ZFHX3: variants seen among roughly 807,000 people sequenced by gnomAD.
ZFHX3 encodes the protein zinc finger homeobox protein 3.
ZFHX3 carries 42 observed loss-of-function variants against 279.1 expected under a neutral mutation model. The observed-to-expected ratio is 0.15, with a 90% CI of 0.12 to 0.19. ZFHX3 has a LOEUF of 0.19. Ranked by LOEUF, ZFHX3 falls within the 10% of genes least tolerant of loss-of-function variation. The probability of loss-of-function intolerance (pLI) is 1.00; values close to 1 mark genes in which losing one functional copy is unlikely to be tolerated. For missense variants in ZFHX3, 4,981 were observed against 4,754.0 expected (o/e 1.05, Z -1.40); for synonymous variants, 2,293 against 1,957.8 (o/e 1.17, Z -4.52).
At chr16:73,464,402 C>A (rs1038461972) in intron 2 of ZFHX3, among the ~76,000 whole-genome samples, 5 of 151,652 alleles carry the variant, frequency 3.3e-5, no homozygotes, top group African/African-American at 1.2e-4. Flanking sequence ...TTATTCATTC[C>A]TGATCAGCTT....
At chr16:72,877,334 G>A (rs1597336906) in intron 4 of ZFHX3, among the ~76,000 whole-genome samples, 1 of 149,686 alleles carries the variant, frequency 6.7e-6, no homozygotes, top group South Asian at 2.1e-4. Flanking sequence ...AGAGAACAAA[G>A]GTGTTAAGGC....
intron 2 of ZFHX3, among the ~76,000 whole-genome samples, chr16:73,650,470 G>T (rs60495341): frequency 0.21 from 32,416 of 152,028 alleles, 3,570 homozygotes; most frequent in African/African-American, 0.22. Flanking sequence ...CTGACTTAAA[G>T]TTGTCTGAGC....
intron 3 of ZFHX3, among the ~76,000 whole-genome samples, chr16:73,348,577 G>A (rs975658256): frequency 6.6e-6 from 1 of 152,206 alleles, no homozygotes; most frequent in African/African-American, 2.4e-5. Flanking sequence ...GAGCTTTGTC[G>A]TTGACTTTGA....
At chr16:73,645,909 T>G (rs908841799) in intron 2 of ZFHX3, among the ~76,000 whole-genome samples, 3 of 152,218 alleles carry the variant, frequency 2.0e-5, no homozygotes, top group Non-Finnish European at 4.4e-5. Flanking sequence ...GACCATATCT[T>G]AGTCTTGTGT....
rs1033088653 is a variant in ZFHX3 at position 73,728,558 on chromosome 16, A to G, written c.-1607-48318T>C. Among the ~76,000 whole-genome samples the G allele has an allele frequency of 1.8e-4, 28 of 152,138 alleles. 1 individual carries two copies. The highest frequency in any genetic ancestry group is 1.3e-4 in the Admixed American group (2 of 15,286). On this transcript the variant is annotated intron_variant, in intron 1 of 17. Transcript: ENST00000641206. ...AAATGTAATGTGTAGCCCGCAACTC[A>G]GTCTCCTATACGATAACTCTTGTGA...
intron 3 of ZFHX3, among the ~76,000 whole-genome samples, chr16:72,894,796 A>C (rs2144099839): frequency 6.6e-6 from 1 of 152,334 alleles, no homozygotes; most frequent in Non-Finnish European, 1.5e-5. Flanking sequence ...TCTCCTCGCC[A>C]GGCAGGAAAT....
At chr16:73,029,189 T>C (rs1964612474) in intron 1 of ZFHX3, among the ~76,000 whole-genome samples, 2 of 152,166 alleles carry the variant, frequency 1.3e-5, no homozygotes, top group Non-Finnish European at 2.9e-5. Flanking sequence ...GTCCTTTCAA[T>C]GGCTCCCACC....
At chr16:72,954,403 G>T (rs568407558) in intron 2 of ZFHX3, among the ~76,000 whole-genome samples, 1 of 152,200 alleles carries the variant, frequency 6.6e-6, no homozygotes, top group African/African-American at 2.4e-5. Flanking sequence ...AACTTGGCAG[G>T]TCCTTAGTCT....
intron 1 of ZFHX3, among the ~76,000 whole-genome samples, chr16:73,025,696 G>C (rs1403603967): frequency 1.3e-5 from 2 of 152,146 alleles, no homozygotes; most frequent in East Asian, 1.9e-4. Context: ...ATCCCAGCCA[G>C]AGTATTGTCA....
At chr16:73,706,433 G>A (rs1471815186) in intron 1 of ZFHX3, among the ~76,000 whole-genome samples, 5 of 148,988 alleles carry the variant, frequency 3.4e-5, no homozygotes, top group African/African-American at 1.0e-4. Flanking sequence ...TCCAGCCTGG[G>A]TGACAAGAGC....
intron 3 of ZFHX3, among the ~76,000 whole-genome samples, chr16:73,347,394 C>T (rs1274298052): frequency 2.6e-5 from 4 of 152,232 alleles, no homozygotes; most frequent in Non-Finnish European, 2.9e-5. Context: ...GATACCCAGT[C>T]GTGGAAACAC....
rs186500895 is a variant in ZFHX3 at position 73,866,608 on chromosome 16, A to G, written c.-1608+25043T>C. On this transcript the variant is annotated intron_variant, in intron 1 of 17. Transcript: ENST00000641206. ...CTCTCATTATTTACTCCAGGCCCCA[A>G]AAAAAGAAAAGAAGAAAAATGTATT... Among the ~76,000 whole-genome samples the G allele has an allele frequency of 3.4e-4, 52 of 152,306 alleles. No homozygotes were observed. In the East Asian group the frequency reaches 9.8e-3, roughly 29 times the overall value.
chr16:73,770,414 T>A (rs1033676194), intron 1 of ZFHX3, among the ~76,000 whole-genome samples: 19 of 152,234 alleles, frequency 1.2e-4, no homozygotes, highest in African/African-American at 4.6e-4. Context: ...TCCAGAACTA[T>A]ATAAAATCAT....
At chr16:73,693,625 G>A (rs2053169279) in intron 1 of ZFHX3, among the ~76,000 whole-genome samples, 1 of 152,082 alleles carries the variant, frequency 6.6e-6, no homozygotes. Context: ...AGAAAAGAAG[G>A]GCTTAGCACT....
intron 1 of ZFHX3, among the ~76,000 whole-genome samples, chr16:73,816,338 T>C (rs1319528524): frequency 1.3e-5 from 2 of 152,156 alleles, no homozygotes; most frequent in Admixed American, 1.3e-4. Flanking sequence ...AACTTTGCCA[T>C]GTATGTTCAT....
chr16:73,451,598 A>C (rs2018282162), intron 3 of ZFHX3, among the ~76,000 whole-genome samples: 1 of 152,214 alleles, frequency 6.6e-6, no homozygotes, highest in Non-Finnish European at 1.5e-5. Flanking sequence ...AACATAGTTG[A>C]TGGAGTGAGC....
chr16:73,627,156 A>G (rs532986963), intron 2 of ZFHX3, among the ~76,000 whole-genome samples: 1 of 152,204 alleles, frequency 6.6e-6, no homozygotes, highest in Non-Finnish European at 1.5e-5. Flanking sequence ...AAATTTCACT[A>G]AAGGGTAAAG....
At chr16:73,185,159 G>T (rs1315051182) in intron 5 of ZFHX3, among the ~76,000 whole-genome samples, 1 of 152,212 alleles carries the variant, frequency 6.6e-6, no homozygotes, top group Non-Finnish European at 1.5e-5. Context: ...TTAAAGAAGG[G>T]ACGACCTGAG....
intron 4 of ZFHX3, among the ~76,000 whole-genome samples, chr16:73,276,177 CTTT>C (rs529830146): frequency 4.7e-4 from 63 of 135,066 alleles, no homozygotes; most frequent in African/African-American, 1.6e-3. Context: ...CTTTTTCTTT[CTTT>C]TTTTTTTTTT....
Sources: gnomAD v4.1 joint callset for allele counts (sites outside exome capture counted in the v4.1 genomes callset) on GRCh38, gnomAD v4.1.1 for gene constraint, MANE v1.5 for transcripts, NCBI Gene and HGNC (gene_info 2026-07-23, HGNC 2026-07-21) for gene names.